Variants in EXOSC3 observed in about 807,000 individuals in gnomAD.
EXOSC3 encodes the protein exosome component 3.
A neutral mutation model predicts 25.1 loss-of-function variants in EXOSC3; 18 were observed. That is an observed-to-expected ratio of 0.72 (90% CI 0.50 to 1.06). The LOEUF is 1.06. EXOSC3 is among the 50% of genes least tolerant of loss of function. The pLI is 0.00. For synonymous variants in EXOSC3, 165 were observed against 132.2 expected (o/e 1.25, Z -1.70); for missense variants, 382 against 350.9 (o/e 1.09, Z -0.71).
chr9:37,782,505 G>C (rs1045448751), intron 2 of EXOSC3, among the ~76,000 whole-genome samples: 3 of 152,158 alleles, frequency 2.0e-5, no homozygotes, highest in Non-Finnish European at 4.4e-5. Flanking sequence ...ACAGCTAGTG[G>C]CTACCATACT....
At chr9:37,781,689 T>G (rs891143845) in intron 3 of EXOSC3, 2 of 286,806 alleles carry the variant, frequency 7.0e-6, no homozygotes, top group Admixed American at 5.0e-5. Flanking sequence ...TTTTCACATT[T>G]GGGCTAAGTC....
chr9:37,780,910 TA>T, intron 3 of EXOSC3, 30 bp from the exon 4 acceptor site: 1 of 1,586,636 alleles, frequency 6.3e-7, no homozygotes, highest in South Asian at 1.1e-5. Flanking sequence ...AAATGAAATT[TA>T]ATGAAGTGGC....
At chr9:37,782,594 GAGAA>G (rs1828619504) in intron 2 of EXOSC3, among the ~76,000 whole-genome samples, 1 of 152,300 alleles carries the variant, frequency 6.6e-6, no homozygotes, top group African/African-American at 2.4e-5. Flanking sequence ...CAGATTTACA[GAGAA>G]AGGAAGGAAC....
rs1828680900 is a variant in EXOSC3 at position 37,785,025 on chromosome 9, A to G, written c.20T>C (p.Val7Ala). ...GCTGCCCGCGAGAGATTCAGCCGCG[A>G]CAGACGCAGGTTCGGCCATCGCGGG... MAEPAS[V>A]AAESLAGSRA... Residue 7 changes from valine (V) to alanine (A), a missense_variant, in exon 1 of 4, where the codon GTC becomes GCC. Val to Ala is a moderately conservative substitution (Grantham distance 64). Coordinates refer to ENST00000327304, the MANE Select transcript of EXOSC3 (RefSeq NM_016042.4). 2 of 1,600,564 alleles carry G rather than the reference A, an allele frequency of 1.2e-6. No individual in the cohort carries two copies. The highest frequency in any genetic ancestry group is 1.3e-5 in the African/African-American group (1 of 74,722).
chr9:37,781,413 T>C (rs1032554609), intron 3 of EXOSC3, among the ~76,000 whole-genome samples: 1 of 149,868 alleles, frequency 6.7e-6, no homozygotes, highest in African/African-American at 2.5e-5. Context: ...AGCTCTCAAC[T>C]TCACTGGCTC....
intron 3 of EXOSC3, among the ~76,000 whole-genome samples, chr9:37,781,557 A>G (rs527437102): frequency 1.5e-4 from 23 of 151,986 alleles, no homozygotes; most frequent in Non-Finnish European, 2.9e-4. Context: ...GTGAATGTCT[A>G]CATAACCTTG....
Position 37,783,942 on chromosome 9 carries a change from G to C in EXOSC3, c.446C>G (p.Ala149Gly), listed in dbSNP as rs1444958317. 1 of 1,612,498 alleles carries C rather than the reference G, an allele frequency of 6.2e-7. No homozygotes were observed. The highest frequency in any genetic ancestry group is 8.5e-7 in the Non-Finnish European group (1 of 1,179,842). ...CACATTTGGTCTGTTTCTTTTAGTT[G>C]CACCTTCAAATGACAAGTAAGACAA... The part of the protein sequence containing the change: ...ASLSYLSFEG[A>G]TKRNRPNVQV... The change falls in exon 2 of 4, where the codon GCA (alanine) becomes GGA (glycine). Residue 149 changes from alanine (A) to glycine (G), a missense_variant. Transcript: ENST00000327304.
Position 37,780,427 on chromosome 9 carries a change from G to T in EXOSC3, c.*252C>A. The T allele has an allele frequency of 2.5e-6, 1 of 392,854 alleles. No individual in the cohort carries two copies. The highest frequency in any genetic ancestry group is 4.6e-6 in the Non-Finnish European group (1 of 216,808). The allele number at this position is 392,854 out of a possible 1,614,324, so 24.3% of individuals were successfully genotyped here. A position where few individuals can be genotyped will look rare whatever the true frequency, so the allele number is the denominator to read the frequency against. On this transcript the variant is annotated 3_prime_UTR_variant, in exon 4 of 4. Transcript: ENST00000327304. ...TTATGGAAGCTGTAGCAATTACTAAGGGAGTTAACTCCAAATAAACCCTAA... is the reference window on the plus strand; with the variant it reads ...TTATGGAAGCTGTAGCAATTACTAATGGAGTTAACTCCAAATAAACCCTAA...
chr9:37,781,903 G>C (rs1828604481), intron 3 of EXOSC3, 83 bp downstream of exon 3: 1 of 1,433,618 alleles, frequency 7.0e-7, no homozygotes, highest in African/African-American at 1.4e-5. Flanking sequence ...ACGTTACAAA[G>C]AATCTGAATC....
At chr9:37,782,203 T>C in intron 2 of EXOSC3, 66 bp from the exon 3 acceptor site, 2 of 1,563,910 alleles carry the variant, frequency 1.3e-6, no homozygotes, top group Non-Finnish European at 1.7e-6. Context: ...ATTGGTTCTT[T>C]CTCACAGGCA....
chr9:37,783,489 C>T (rs1340800871), intron 2 of EXOSC3, among the ~76,000 whole-genome samples: 3 of 152,028 alleles, frequency 2.0e-5, no homozygotes, highest in Non-Finnish European at 4.4e-5. Context: ...ATTGAAAACC[C>T]AAGGTAACAA....
rs1440477416 is a variant in EXOSC3, at chr9:37,781,985, C to T, written c.626+1G>A. ...TCAAGCCAGCAGACATCAGGACTTA[C>T]TTTCTAATTAAGCCCAGAGTCACTT... On this transcript the variant is annotated splice_donor_variant, in intron 3 of 3. Coordinates refer to ENST00000327304, the MANE Select transcript of EXOSC3 (RefSeq NM_016042.4). LOFTEE classifies it high-confidence loss of function. The T allele has an allele frequency of 1.2e-6, 2 of 1,612,454 alleles. No individual in the cohort carries two copies. Among genetic ancestry groups the T allele is most frequent in the Non-Finnish European group, 1.7e-6 (2 of 1,179,620 alleles).
chr9:37,784,671 C>A, intron 1 of EXOSC3, 50 bp downstream of exon 1: 1 of 1,520,124 alleles, frequency 6.6e-7, no homozygotes, highest in Non-Finnish European at 8.8e-7. Flanking sequence ...CTTCTCAAAG[C>A]AGGGCTACCA....
In EXOSC3 at chr9:37,780,111, TATA is replaced by T. The variant is rs1178648825; in HGVS notation, c.*565_*567del. 1 of 152,466 alleles carries T rather than the reference TATA, an allele frequency of 6.6e-6. No homozygotes were observed. The highest frequency in any genetic ancestry group is 2.4e-5 in the African/African-American group (1 of 41,310). The allele number at this position is 152,466 out of a possible 1,614,324, so 9.4% of individuals were successfully genotyped here. On this transcript the variant is annotated 3_prime_UTR_variant, in exon 4 of 4. Transcript: ENST00000327304. The stretch of plus-strand genomic sequence containing the variant: ...AAAGTGGCATATAAGCTATAATAAC[TATA>T]ATTTCAATTTGATGAATATAGAGAA...
At chr9:37,783,554 T>C (rs1259720891) in intron 2 of EXOSC3, among the ~76,000 whole-genome samples, 1 of 152,164 alleles carries the variant, frequency 6.6e-6, no homozygotes, top group East Asian at 1.9e-4. Context: ...GGATAGCTGA[T>C]AATGTCAATT....
rs1828643488 is a variant in EXOSC3 at position 37,783,834 on chromosome 9, A to G, written c.474+80T>C. On this transcript the variant is annotated intron_variant, in intron 2 of 3. Transcript: ENST00000327304. ...AGATCTAGGTCATGCTTTGGAGACAATTCAGATAGCCTTCTGGATATGTGA... is the reference window on the plus strand; with the variant it reads ...AGATCTAGGTCATGCTTTGGAGACAGTTCAGATAGCCTTCTGGATATGTGA... The G allele has an allele frequency of 3.4e-6, 5 of 1,483,568 alleles. No individual in the cohort carries two copies. The South Asian group carries it at 6.8e-5, about 20-fold the overall frequency. The allele number at this position is 1,483,568 out of a possible 1,614,324, so 91.9% of individuals were successfully genotyped here.
chr9:37,781,834 C>A, intron 3 of EXOSC3, 152 bp downstream of exon 3: 2 of 798,390 alleles, frequency 2.5e-6, no homozygotes, highest in Non-Finnish European at 3.9e-6. Context: ...GGATTAAATT[C>A]ATGAGTTTCC....
chr9:37,784,816 G>A lies in EXOSC3; in HGVS notation c.229C>T (p.Arg77Cys), dbSNP rs1185942470. ...CGPGLRRCGD[R>C]LLVTKCGRLR... The stretch of plus-strand genomic sequence containing the variant: ...CGGCCGCACTTGGTGACCAGCAGGC[G>A]GTCCCCACAGCGCCGAAGGCCCGGA... Residue 77 changes from arginine to cysteine, a missense_variant, in exon 1 of 4, where the codon CGC becomes TGC. Physicochemically the swap from Arg to Cys is radical, Grantham distance 180. Transcript: ENST00000327304. 2.5e-6 allele frequency: 4 copies of A among 1,608,370 alleles called. No individual in the cohort carries two copies. The South Asian group carries it at 4.4e-5, about 18-fold the overall frequency.
rs1187569437 is a variant in EXOSC3 at position 37,783,976 on chromosome 9, G to A, written c.412C>T (p.Pro138Ser). 8 of 1,613,784 alleles carry A rather than the reference G, an allele frequency of 5.0e-6. No individual in the cohort carries two copies. The highest frequency in any genetic ancestry group is 6.8e-6 in the Non-Finnish European group (8 of 1,179,952). Reference protein sequence around the residue: ...IFKVDVGGSEPASLSYLSFEG... With the variant: ...IFKVDVGGSESASLSYLSFEG... ...AATGACAAGTAAGACAAAGAAGCTGGCTCACTCCCTCCAACATCAACTTTG... is the reference window on the plus strand; with the variant it reads ...AATGACAAGTAAGACAAAGAAGCTGACTCACTCCCTCCAACATCAACTTTG... Residue 138 changes from proline to serine, a missense_variant, in exon 2 of 4, where the codon CCA becomes TCA. Transcript: ENST00000327304.
Sources: gnomAD v4.1 joint callset for allele counts (sites outside exome capture counted in the v4.1 genomes callset) on GRCh38, gnomAD v4.1.1 for gene constraint, MANE v1.5 for transcripts, NCBI Gene and HGNC (gene_info 2026-07-23, HGNC 2026-07-21) for gene names.